CDH26: variants seen among roughly 807,000 people sequenced by gnomAD.
CDH26 encodes the protein cadherin 26.
CDH26 carries 83 observed loss-of-function variants against 90.3 expected under a neutral mutation model. That is an observed-to-expected ratio of 0.92 (90% CI 0.77 to 1.10). The LOEUF is 1.10. Ranked by LOEUF, CDH26 falls within the 50% of genes least tolerant of loss-of-function variation. The pLI, the probability that CDH26 is intolerant of heterozygous loss-of-function variation, is 0.00. For missense variants in CDH26, 1,013 were observed against 1,037.6 expected (o/e 0.98, Z 0.33); for synonymous variants, 397 against 396.3 (o/e 1.00, Z -0.02).
chr20:59,966,885 T>G (rs966100233), intron 1 of CDH26, among the ~76,000 whole-genome samples: 1 of 152,156 alleles, frequency 6.6e-6, no homozygotes, highest in Non-Finnish European at 1.5e-5. Context: ...GATTATTACC[T>G]ATTCATATAG....
chr20:59,991,061 G>T (rs2061521923), intron 9 of CDH26, among the ~76,000 whole-genome samples: 2 of 151,986 alleles, frequency 1.3e-5, no homozygotes, highest in African/African-American at 2.4e-5. Flanking sequence ...GTAGAGACGG[G>T]GTTTTGCCAT....
chr20:59,981,675 T>C (rs2061396567), intron 4 of CDH26, among the ~76,000 whole-genome samples: 1 of 152,128 alleles, frequency 6.6e-6, no homozygotes, highest in African/African-American at 2.4e-5. Flanking sequence ...TAGTATTTTG[T>C]TGAGAACTTT....
intron 14 of CDH26, 37 bp from the exon 15 acceptor site, chr20:60,001,306 C>A (rs1234497923): frequency 6.2e-7 from 1 of 1,612,370 alleles, no homozygotes; most frequent in Non-Finnish European, 8.5e-7. Context: ...GGAGAGAAAT[C>A]CATTCTCTTT....
Position 59,994,370 on chromosome 20 carries a change from A to G in CDH26, c.1547A>G (p.Glu516Gly). The change falls in exon 11 of 18, where the codon GAG becomes GGG. Residue 516 changes from glutamate (E) to glycine (G), a missense_variant. Transcript: ENST00000348616. ...YMEVCESAVH[E>G]PLHIEAEDPD... The stretch of plus-strand genomic sequence containing the variant: ...GAGGTCTGTGAGTCTGCTGTGCATG[A>G]GCCCCTCCACATCGAGGCAGAGGAT... 2 of 1,614,022 alleles carry G rather than the reference A, an allele frequency of 1.2e-6. No homozygotes were observed. Among genetic ancestry groups the G allele is most frequent in the Non-Finnish European group, 1.7e-6 (2 of 1,180,018 alleles).
intron 15 of CDH26, chr20:60,001,732 C>T (rs1601180953): frequency 1.2e-5 from 8 of 662,834 alleles, no homozygotes; most frequent in Non-Finnish European, 1.5e-5. Flanking sequence ...AAGTTAAAAG[C>T]ACAGCACTTT....
intron 1 of CDH26, among the ~76,000 whole-genome samples, chr20:59,959,382 G>C (rs1214781285): frequency 6.6e-6 from 1 of 150,802 alleles, no homozygotes; most frequent in Non-Finnish European, 1.5e-5. Flanking sequence ...TTACAGGCAT[G>C]AGCCACCTCA....
At chr20:59,996,175 A>G in intron 12 of CDH26, 121 bp downstream of exon 12, 2 of 1,108,874 alleles carry the variant, frequency 1.8e-6, no homozygotes, top group Non-Finnish European at 2.5e-6. Context: ...GGCTTTGAGA[A>G]TGACTTCTGG....
At chr20:60,007,407 TAGAC>T (rs2061768587) in intron 17 of CDH26, among the ~76,000 whole-genome samples, 1 of 152,178 alleles carries the variant, frequency 6.6e-6, no homozygotes, top group Non-Finnish European at 1.5e-5. Context: ...GTGGAGGTGT[TAGAC>T]AGCAGTCTTC....
intron 8 of CDH26, chr20:60,031,459 T>C: frequency 9.5e-7 from 1 of 1,053,050 alleles, no homozygotes; most frequent in Middle Eastern, 2.7e-4. Flanking sequence ...ATGTACTAGA[T>C]TTCTCCTTTT....
chr20:60,035,856 C>T (rs1030386450), downstream of CDH26, among the ~76,000 whole-genome samples: 2 of 151,968 alleles, frequency 1.3e-5, no homozygotes, highest in Admixed American at 6.5e-5. Flanking sequence ...CTTCCCCTTT[C>T]GCCATGATTG....
intron 17 of CDH26, among the ~76,000 whole-genome samples, 155 bp downstream of exon 17, chr20:60,006,942 A>G (rs1338383197): frequency 6.6e-6 from 1 of 152,190 alleles, no homozygotes; most frequent in Non-Finnish European, 1.5e-5. Flanking sequence ...TGGCTTAAAT[A>G]ACAGAAATAT....
intron 11 of CDH26, among the ~76,000 whole-genome samples, chr20:59,995,061 G>A (rs181518068): frequency 1.3e-5 from 2 of 152,338 alleles, no homozygotes; most frequent in African/African-American, 4.8e-5. Flanking sequence ...TAGCCGTGGC[G>A]TCTGTAGACT....
intron 7 of CDH26, among the ~76,000 whole-genome samples, chr20:59,985,764 T>C (rs955055290): frequency 2.1e-4 from 32 of 152,240 alleles, no homozygotes; most frequent in African/African-American, 7.7e-4. Context: ...AATGGTCACA[T>C]GAGCTTACAT....
chr20:60,006,654 G>T, intron 16 of CDH26, 59 bp from the exon 17 acceptor site: 1 of 1,244,476 alleles, frequency 8.0e-7, no homozygotes, highest in Non-Finnish European at 1.2e-6. Context: ...GACACACAGG[G>T]GTTGGGGGGT....
At chr20:59,967,845 C>CTT (rs2061174617) in intron 1 of CDH26, among the ~76,000 whole-genome samples, 1 of 89,074 alleles carries the variant, frequency 1.1e-5, no homozygotes, top group African/African-American at 6.6e-5. Context: ...TTCTTTCTTT[C>CTT]TTTCTTTCTT....
At chr20:59,963,872 A>G (rs2061110715) in intron 1 of CDH26, among the ~76,000 whole-genome samples, 1 of 151,832 alleles carries the variant, frequency 6.6e-6, no homozygotes, top group Non-Finnish European at 1.5e-5. Flanking sequence ...AAAAAAAAAG[A>G]GGCTTTCCTC....
At chr20:59,973,174 G>T (rs2061284963) in intron 4 of CDH26, among the ~76,000 whole-genome samples, 1 of 152,186 alleles carries the variant, frequency 6.6e-6, no homozygotes, top group South Asian at 2.1e-4. Flanking sequence ...TGGTAAAAAT[G>T]CAGATTCTGT....
chr20:59,988,339 G>A (rs1185787890), intron 8 of CDH26, among the ~76,000 whole-genome samples: 3 of 152,162 alleles, frequency 2.0e-5, no homozygotes, highest in Non-Finnish European at 2.9e-5. Context: ...GTCACCTGGC[G>A]ACAAGGCAGA....
At chr20:60,001,208 C>G (rs2061672584) in intron 14 of CDH26, 135 bp from the exon 15 acceptor site, 2 of 1,067,446 alleles carry the variant, frequency 1.9e-6, no homozygotes, top group Admixed American at 4.0e-5. Flanking sequence ...CGCGCCCTCC[C>G]TCTCATCGTG....
Sources: gnomAD v4.1 joint callset for allele counts (sites outside exome capture counted in the v4.1 genomes callset) on GRCh38, gnomAD v4.1.1 for gene constraint, MANE v1.5 for transcripts, NCBI Gene and HGNC (gene_info 2026-07-23, HGNC 2026-07-21) for gene names.